PWWP2A: variants seen among roughly 807,000 people sequenced by gnomAD.
PWWP2A encodes the protein PWWP domain-containing protein 2A.
Under a neutral mutation model 48.5 loss-of-function variants are expected in PWWP2A, and 18 were observed. The observed-to-expected ratio is 0.37, with a 90% CI of 0.26 to 0.55. The LOEUF (loss-of-function observed/expected upper bound fraction) is 0.55. Among genes scored for constraint, PWWP2A ranks in the 20% least tolerant of loss-of-function variants. The pLI is 0.81. For missense variants in PWWP2A, 867 were observed against 976.4 expected (o/e 0.89, Z 1.49); for synonymous variants, 396 against 387.7 (o/e 1.02, Z -0.25).
chr5:160,047,860 T>G, the PWWP2A span, among the ~76,000 whole-genome samples: 91 of 152,328 alleles, frequency 6.0e-4, no homozygotes, highest in Non-Finnish European at 5.9e-5. Flanking sequence ...CATTTCTCGC[T>G]TCACTTGTAT....
At position 160,094,102 on chromosome 5, in the gene PWWP2A, G is replaced by C. The variant is rs1314149836; in HGVS notation, c.585-37C>G. The C allele has an allele frequency of 2.6e-6, 4 of 1,523,488 alleles. No individual in the cohort carries two copies. The South Asian group carries it at 3.8e-5, about 14-fold the overall frequency. 94.4% of individuals were successfully genotyped at this position (1,523,488 alleles called of 1,614,324 possible). On this transcript the variant is annotated intron_variant, in intron 1 of 1. Transcript: ENST00000307063. ...ATGGAAGAAAAAAAGAAGACATTAA[G>C]TTAACATCTATAATTCAATTTCTTA... is the stretch of plus-strand genomic sequence containing the variant.
At chr5:160,057,096 G>A (rs191818408), downstream of PWWP2A, among the ~76,000 whole-genome samples, 19 of 152,246 alleles carry the variant, frequency 1.2e-4, no homozygotes, top group African/African-American at 4.6e-4. The surrounding 1 kb of genome is among the most constrained non-coding windows in gnomAD (Gnocchi z 4.4). Context: ...TCCTTGTTGT[G>A]GTTGGTTGTT....
At chr5:160,118,659 C>A in intron 1 of PWWP2A, 146 bp downstream of exon 1, 1 of 794,360 alleles carries the variant, frequency 1.3e-6, no homozygotes, top group Non-Finnish European at 1.8e-6. Flanking sequence ...CTGCCCCACT[C>A]GGAGCGCGCG....
chr5:160,115,481 C>T (rs1554106135), intron 1 of PWWP2A, among the ~76,000 whole-genome samples: 6 of 151,988 alleles, frequency 3.9e-5, no homozygotes, highest in Non-Finnish European at 8.8e-5. Flanking sequence ...TACCTGAGGT[C>T]AGGAGTTAGA....
intron 1 of PWWP2A, among the ~76,000 whole-genome samples, chr5:160,116,132 G>A (rs938924085): frequency 1.3e-5 from 2 of 152,030 alleles, no homozygotes; most frequent in Admixed American, 6.6e-5. Flanking sequence ...CTTAGCTACT[G>A]TAACCTCCAC....
chr5:160,049,615 ATAT>A, the PWWP2A span: 1 of 1,607,084 alleles, frequency 6.2e-7, no homozygotes, highest in South Asian at 1.1e-5. Flanking sequence ...CTATAAATCT[ATAT>A]TAGAAAAAGA....
In PWWP2A at chr5:160,119,390, T is replaced by TTCTTCC. The variant is rs1462672128; in HGVS notation, c.-8_-3dup. 7.3e-7 allele frequency: 1 copy of TTCTTCC among 1,361,970 alleles called. No homozygotes were observed. Among genetic ancestry groups the TTCTTCC allele is most frequent in the South Asian group, 1.8e-5 (1 of 56,890 alleles). The allele number at this position is 1,361,970 out of a possible 1,614,324, so 84.4% of individuals were successfully genotyped here. ...CGCCTCTGCAGCCACGGCCGCCATT[T>TTCTTCC]TCTTCCTAGCTTCTCCCTCCTCCAA... is the stretch of plus-strand genomic sequence containing the variant. On this transcript the variant is annotated 5_prime_UTR_variant, in exon 1 of 2. Coordinates refer to ENST00000307063, the MANE Select transcript of PWWP2A (RefSeq NM_001130864.2).
At chr5:160,059,109 G>A (rs557661333), downstream of PWWP2A, among the ~76,000 whole-genome samples, 1 of 152,308 alleles carries the variant, frequency 6.6e-6, no homozygotes, top group African/African-American at 2.4e-5. Flanking sequence ...AAGAGAGTCA[G>A]CCTATCCTTT....
At chr5:160,048,179 T>C in the PWWP2A span, among the ~76,000 whole-genome samples, 942 of 115,150 alleles carry the variant, frequency 8.2e-3, 12 homozygotes, top group African/African-American at 0.03. Context: ...GAGTATTATC[T>C]CTCTGTTGCC....
Position 160,076,194 on chromosome 5 carries a change from ATATT to A in PWWP2A, c.*1957_*1960del, listed in dbSNP as rs915115817. ...GAGAATATGCCATGAGAAAAAAAAA[ATATT>A]TATATACTTAAAACCTGATCTCTCC... On this transcript the variant is annotated 3_prime_UTR_variant, in exon 4 of 4. Transcript: ENST00000456329. 6.6e-4 allele frequency: 101 copies of A among 152,296 alleles called. 1 individual carries two copies. Among genetic ancestry groups the A allele is most frequent in the African/African-American group, 2.4e-3 (99 of 41,566 alleles). 9.4% of individuals were successfully genotyped at this position (152,296 alleles called of 1,614,324 possible). A position where few individuals can be genotyped will look rare whatever the true frequency, so the allele number is the denominator to read the frequency against.
At chr5:160,118,146 AT>A (rs756913332) in intron 1 of PWWP2A, among the ~76,000 whole-genome samples, 79 of 152,322 alleles carry the variant, frequency 5.2e-4, no homozygotes, top group Non-Finnish European at 8.8e-4. Flanking sequence ...ACATTAAAGG[AT>A]TTTTTAAAAA....
Position 160,118,913 on chromosome 5 carries a change from C to A in PWWP2A, c.476G>T (p.Gly159Val). ...GTCCAGCGTGACCCGCACCTCCGAG[C>A]CCGGGATCAGTTGCGACACCGTGGA... is the stretch of plus-strand genomic sequence containing the variant. Reference protein sequence around the residue: ...GDSTVSQLIPGSEVRVTLDHI... With the variant: ...GDSTVSQLIPVSEVRVTLDHI... Residue 159 changes from glycine (G) to valine (V), a missense_variant, in exon 1 of 2, where the codon GGC becomes GTC. Around this residue, in one of 4 missense-constraint regions of PWWP2A, gnomAD observed 385 missense variants for 396.9 expected, o/e 0.97. Transcript: ENST00000307063. 6.2e-7 allele frequency: 1 copy of A among 1,602,292 alleles called. No homozygotes were observed. Among genetic ancestry groups the A allele is most frequent in the Non-Finnish European group, 8.5e-7 (1 of 1,175,296 alleles).
At chr5:160,065,242 T>C (rs1299239610) in intron 4 of PWWP2A, 1 of 896,656 alleles carries the variant, frequency 1.1e-6, no homozygotes, top group South Asian at 1.4e-5. Context: ...ATGTACTTCC[T>C]GATGTAATGA....
downstream of PWWP2A, among the ~76,000 whole-genome samples, chr5:160,086,618 C>T (rs1055607060): frequency 1.3e-5 from 2 of 152,048 alleles, no homozygotes; most frequent in East Asian, 1.9e-4. Context: ...ATGGGCCAGG[C>T]GCAGTGGCTC....
In PWWP2A at chr5:160,077,106, A is replaced by G. The variant is rs1753926093; in HGVS notation, c.*1049T>C. ...CAAGAAAAAAACTACAGTCTCTATT[A>G]GTAAGAATTCATGCTCCATGCATGA... is the stretch of plus-strand genomic sequence containing the variant. On this transcript the variant is annotated 3_prime_UTR_variant, in exon 4 of 4. Coordinates refer to the PWWP2A transcript ENST00000456329. The surrounding 1 kb of genome is among the most constrained non-coding windows in gnomAD (Gnocchi z 4.2). 1 of 152,152 alleles carries G rather than the reference A, an allele frequency of 6.6e-6. No homozygotes were observed. Among genetic ancestry groups the G allele is most frequent in the African/African-American group, 2.4e-5 (1 of 41,440 alleles). 9.4% of individuals were successfully genotyped at this position (152,152 alleles called of 1,614,324 possible). A position where few individuals can be genotyped will look rare whatever the true frequency, so the allele number is the denominator to read the frequency against.
chr5:160,094,917 A>G (rs910777303), intron 1 of PWWP2A, among the ~76,000 whole-genome samples: 4 of 151,644 alleles, frequency 2.6e-5, no homozygotes, highest in Admixed American at 2.6e-4. Context: ...GCATGGTGGC[A>G]GGCGCCAGTA....
intron 1 of PWWP2A, among the ~76,000 whole-genome samples, chr5:160,111,064 A>C (rs886879605): frequency 6.6e-6 from 1 of 151,980 alleles, no homozygotes; most frequent in African/African-American, 2.4e-5. Context: ...TCATGCCTGT[A>C]ATCCTACCAC....
chr5:160,073,227 TTC>T (rs67552506), downstream of PWWP2A, among the ~76,000 whole-genome samples: 73,819 of 135,460 alleles, frequency 0.54, 18,554 homozygotes, highest in East Asian at 0.61. Flanking sequence ...ATAAAAACAT[TTC>T]TTTTTTTTTT....
exon 4 of PWWP2A, chr5:160,076,783 C>G (rs1417514699): frequency 6.6e-6 from 1 of 152,120 alleles, no homozygotes; most frequent in Non-Finnish European, 1.5e-5. Context: ...AAAGTCTGAC[C>G]ACTTGAGCCA....
Sources: gnomAD v4.1 joint callset for allele counts (sites outside exome capture counted in the v4.1 genomes callset) on GRCh38, gnomAD v4.1.1 for gene constraint, gnomAD v4.1.1 regional missense constraint, Gnocchi (gnomAD v3.1) non-coding constraint, MANE v1.5 for transcripts, NCBI Gene and HGNC (gene_info 2026-07-23, HGNC 2026-07-21) for gene names.